Variants in NUP50 observed in about 807,000 individuals in gnomAD.
NUP50 encodes nuclear pore complex protein Nup50.
NUP50 carries 14 observed loss-of-function variants against 36.8 expected under a neutral mutation model. That is an observed-to-expected ratio of 0.38 (90% CI 0.25 to 0.59). The LOEUF is 0.59. NUP50 is among the 20% of genes least tolerant of loss of function. The pLI, the probability that NUP50 is intolerant of heterozygous loss-of-function variation, is 0.63. For missense variants in NUP50, 455 were observed against 564.6 expected (o/e 0.81, Z 1.97); for synonymous variants, 195 against 210.8 (o/e 0.93, Z 0.65).
rs2074305318 is a variant in NUP50, at chr22:45,178,127, G to A, written c.341-111G>A. On this transcript the variant is annotated intron_variant, in intron 4 of 7. Coordinates refer to ENST00000347635, the MANE Select transcript of NUP50 (RefSeq NM_007172.4). The stretch of plus-strand genomic sequence containing the variant: ...GGTGACAGAGCAAGACTGTCTTGGT[G>A]TGGGGGGAGATACAGTAAAAGCAGA... The A allele has an allele frequency of 4.2e-6, 4 of 952,292 alleles. No homozygotes were observed. In the South Asian group the frequency reaches 4.8e-5, roughly 11 times the overall value. The allele number at this position is 952,292 out of a possible 1,614,324, so 59.0% of individuals were successfully genotyped here.
Position 45,187,570 on chromosome 22 carries a change from T to C in NUP50, c.*2915T>C, listed in dbSNP as rs1220586580. 5 of 152,270 alleles carry C rather than the reference T, an allele frequency of 3.3e-5. No homozygotes were observed. Among genetic ancestry groups the C allele is most frequent in the Non-Finnish European group, 4.4e-5 (3 of 68,056 alleles). 9.4% of individuals were successfully genotyped at this position (152,270 alleles called of 1,614,324 possible). A position where few individuals can be genotyped will look rare whatever the true frequency, so the allele number is the denominator to read the frequency against. ...TTGTTTTTTGAGCATTTGTCAGTTATTCTATTTCAGAAGAGTCAAAATTCA... is the reference window on the plus strand; with the variant it reads ...TTGTTTTTTGAGCATTTGTCAGTTACTCTATTTCAGAAGAGTCAAAATTCA... On this transcript the variant is annotated 3_prime_UTR_variant, in exon 8 of 8. Transcript: ENST00000347635.
At chr22:45,179,818 A>G (rs934065960) in intron 5 of NUP50, among the ~76,000 whole-genome samples, 1 of 152,200 alleles carries the variant, frequency 6.6e-6, no homozygotes, top group Non-Finnish European at 1.5e-5. Context: ...CAGAAGTTCA[A>G]GGTTGCCATG....
intron 5 of NUP50, among the ~76,000 whole-genome samples, chr22:45,179,716 C>A (rs761796625): frequency 2.6e-5 from 4 of 152,080 alleles, no homozygotes; most frequent in African/African-American, 9.7e-5. Context: ...AAGACCCCAT[C>A]TCTACAAAAA....
intron 5 of NUP50, chr22:45,179,436 T>C (rs769373675): frequency 3.3e-5 from 5 of 153,560 alleles, no homozygotes; most frequent in African/African-American, 4.8e-5. Flanking sequence ...TAAGTGATGT[T>C]TCCTGTGTGT....
At position 45,184,701 on chromosome 22, in the gene NUP50, C is replaced by T. The variant is rs1461699366; in HGVS notation, c.*46C>T. The T allele has an allele frequency of 2.5e-6, 3 of 1,221,932 alleles. No individual in the cohort carries two copies. The highest frequency in any genetic ancestry group is 3.6e-6 in the Non-Finnish European group (3 of 844,758). 75.7% of individuals were successfully genotyped at this position (1,221,932 alleles called of 1,614,324 possible). On this transcript the variant is annotated 3_prime_UTR_variant, in exon 8 of 8. Coordinates refer to ENST00000347635, the MANE Select transcript of NUP50 (RefSeq NM_007172.4). ...AATTATTGCCAAGTTGCTGCTGCTT[C>T]CACCGCCCCTTAAAGTTAGTCAGTT...
chr22:45,184,884 A>G lies in NUP50; in HGVS notation c.*229A>G. ...AAAGTGTAAAATACATTTGAATGCA[A>G]TTTTTGGAAGATTTTTTAATGTTCG... On this transcript the variant is annotated 3_prime_UTR_variant, in exon 8 of 8. Transcript: ENST00000347635. 5.3e-6 allele frequency: 3 copies of G among 560,782 alleles called. No individual in the cohort carries two copies. The highest frequency in any genetic ancestry group is 9.7e-6 in the Non-Finnish European group (3 of 310,830). 34.7% of individuals were successfully genotyped at this position (560,782 alleles called of 1,614,324 possible).
At chr22:45,168,873 A>G (rs2074137221) in intron 2 of NUP50, among the ~76,000 whole-genome samples, 1 of 151,076 alleles carries the variant, frequency 6.6e-6, no homozygotes, top group African/African-American at 2.4e-5. Flanking sequence ...GGCAGCATAG[A>G]GAGATCCCGG....
intron 3 of NUP50, 188 bp downstream of exon 3, chr22:45,171,871 T>C: frequency 1.9e-6 from 1 of 526,632 alleles, no homozygotes; most frequent in Non-Finnish European, 3.4e-6. Flanking sequence ...GCTTATCCAG[T>C]TGAGGAAATA....
chr22:45,167,804 C>T (rs978701662), intron 1 of NUP50, among the ~76,000 whole-genome samples: 3 of 152,100 alleles, frequency 2.0e-5, no homozygotes, highest in African/African-American at 4.8e-5. Context: ...TATGTATATG[C>T]GTAGAATAAG....
intron 2 of NUP50, chr22:45,171,056 T>C (rs2074185091): frequency 7.7e-7 from 1 of 1,303,564 alleles, no homozygotes; most frequent in South Asian, 1.2e-5. Context: ...ATCAGAAGTG[T>C]GGACATGAGT....
At chr22:45,171,040 G>A (rs1285680012) in intron 2 of NUP50, 39 of 1,304,006 alleles carry the variant, frequency 3.0e-5, no homozygotes, top group Non-Finnish European at 3.7e-5. Flanking sequence ...GCTTTCTGAC[G>A]TGGACATCAG....
chr22:45,166,779 CTTAACCAAGTG>C, intron 1 of NUP50, among the ~76,000 whole-genome samples: 1 of 136,070 alleles, frequency 7.3e-6, no homozygotes, highest in African/African-American at 2.8e-5. Flanking sequence ...AATGGCAAAA[CTTAACCAAGTG>C]TTTTTGGGTG....
intron 3 of NUP50, among the ~76,000 whole-genome samples, chr22:45,174,524 C>G (rs2074247689): frequency 6.6e-6 from 1 of 151,996 alleles, no homozygotes; most frequent in Non-Finnish European, 1.5e-5. Context: ...TTCTGAATAT[C>G]TTTTTTTTGT....
intron 5 of NUP50, chr22:45,179,320 T>G (rs1314041193): frequency 6.2e-6 from 1 of 161,206 alleles, no homozygotes. Flanking sequence ...AGTACTTGAC[T>G]ATACATTACA....
At chr22:45,182,098 C>T (rs1434434921) in intron 6 of NUP50, among the ~76,000 whole-genome samples, 1 of 151,934 alleles carries the variant, frequency 6.6e-6, no homozygotes, top group Non-Finnish European at 1.5e-5. Flanking sequence ...TCATTACTCA[C>T]ATGACATAAA....
rs571200351 is a variant in NUP50 at position 45,176,592 on chromosome 22, C to G, written c.340+512C>G. Among the ~76,000 whole-genome samples the G allele has an allele frequency of 1.1e-3, 172 of 152,292 alleles. 2 individuals carry two copies. Among genetic ancestry groups the G allele is most frequent in the Middle Eastern group, 6.8e-3 (2 of 294 alleles). ...AGTCAAAAACTCTTGGAATTAGCAA[C>G]AGAGAATAGGATCACGGGTTAAAAG... On this transcript the variant is annotated intron_variant, in intron 4 of 7. Transcript: ENST00000347635.
intron 5 of NUP50, among the ~76,000 whole-genome samples, chr22:45,179,474 G>A (rs1426020590): frequency 1.4e-4 from 22 of 152,234 alleles, no homozygotes; most frequent in Admixed American, 1.4e-3. Context: ...CAAGGCACAA[G>A]GTCTGGGCCC....
At chr22:45,168,480 C>T (rs567139441) in intron 2 of NUP50, among the ~76,000 whole-genome samples, 1 of 152,334 alleles carries the variant, frequency 6.6e-6, no homozygotes, top group South Asian at 2.1e-4. Flanking sequence ...TGCTTTTCCA[C>T]TAGTGCCTGC....
Position 45,184,686 on chromosome 22 carries a change from A to T in NUP50, c.*31A>T. 1 of 1,383,038 alleles carries T rather than the reference A, an allele frequency of 7.2e-7. No homozygotes were observed. Among genetic ancestry groups the T allele is most frequent in the Non-Finnish European group, 1.0e-6 (1 of 1,001,270 alleles). 85.7% of individuals were successfully genotyped at this position (1,383,038 alleles called of 1,614,324 possible). ...CAAAGTCGGCTGCAGAATTATTGCC[A>T]AGTTGCTGCTGCTTCCACCGCCCCT... is the stretch of plus-strand genomic sequence containing the variant. On this transcript the variant is annotated 3_prime_UTR_variant, in exon 8 of 8. Transcript: ENST00000347635.
Sources: allele counts gnomAD v4.1 joint callset (sites outside exome capture counted in the v4.1 genomes callset), GRCh38; gene constraint gnomAD v4.1.1; transcripts MANE v1.5; gene names NCBI Gene and HGNC (gene_info 2026-07-23, HGNC 2026-07-21).